The following EMC4 variants were observed in gnomAD, a reference collection of about 807,000 sequenced individuals.
EMC4 encodes the protein cell proliferation-inducing gene 17 protein.
In EMC4, 9 loss-of-function variants were observed where a neutral mutation model predicts 24.2. That is an observed-to-expected ratio of 0.37 (90% confidence interval 0.22 to 0.65). The LOEUF (loss-of-function observed/expected upper bound fraction) is 0.65, where lower values mean the gene tolerates loss of function less well. Among genes scored for constraint, EMC4 ranks in the 30% least tolerant of loss-of-function variants. The pLI, the probability that EMC4 is intolerant of heterozygous loss-of-function variation, is 0.59. For synonymous variants in EMC4, 86 were observed against 81.1 expected (o/e 1.06, Z -0.32); for missense variants, 169 against 234.6 (o/e 0.72, Z 1.83).
At chr15:34,226,987 A>G (rs1890665273) in intron 2 of EMC4, 2 of 152,196 alleles carry the variant, frequency 1.3e-5, no homozygotes, top group Admixed American at 1.3e-4. Context: ...ATATAAATCT[A>G]TTTTCCATTA....
chr15:34,228,371 T>G, intron 3 of EMC4, 58 bp from the exon 4 acceptor site: 2 of 1,570,778 alleles, frequency 1.3e-6, no homozygotes, highest in South Asian at 2.3e-5. Context: ...TACAGTTGGC[T>G]TGATTCGTAT....
In EMC4 at chr15:34,225,580, C is replaced by CA; in HGVS notation, c.132dup (p.Val45SerfsTer10). 1 of 1,614,136 alleles carries CA rather than the reference C, an allele frequency of 6.2e-7. No homozygotes were observed. The highest frequency in any genetic ancestry group is 8.5e-7 in the Non-Finnish European group (1 of 1,180,034). On this transcript the variant is annotated frameshift_variant, in exon 2 of 5. Coordinates refer to ENST00000267750, the MANE Select transcript of EMC4 (RefSeq NM_016454.4). LOFTEE classifies it high-confidence loss of function. The stretch of plus-strand genomic sequence containing the variant: ...AGTGGCCAGGGAGACTCGCTCTACC[C>CA]AGTCGGTTACTTGGACAAGCAAGTG...
chr15:34,227,668 G>C, intron 2 of EMC4, 25 bp from the exon 3 acceptor site: 2 of 1,610,060 alleles, frequency 1.2e-6, no homozygotes, highest in Non-Finnish European at 1.7e-6. Flanking sequence ...TGATCAGAGG[G>C]TTAAAATTGT....
intron 2 of EMC4, 148 bp downstream of exon 2, chr15:34,225,798 A>G (rs763012310): frequency 2.8e-6 from 2 of 709,852 alleles, no homozygotes; most frequent in South Asian, 1.5e-5. Flanking sequence ...GGTATTTTAT[A>G]TATCAGCTAC....
At chr15:34,226,760 T>G (rs1312386924) in intron 2 of EMC4, 1 of 152,176 alleles carries the variant, frequency 6.6e-6, no homozygotes, top group African/African-American at 2.4e-5. Flanking sequence ...GCCAGGCTGG[T>G]CTGAAACTCC....
chr15:34,225,017 C>A lies in EMC4; in HGVS notation c.-98C>A. 9.9e-7 allele frequency: 1 copy of A among 1,009,758 alleles called. No individual in the cohort carries two copies. Among genetic ancestry groups the A allele is most frequent in the Non-Finnish European group, 1.5e-6 (1 of 656,318 alleles). 62.5% of individuals were successfully genotyped at this position (1,009,758 alleles called of 1,614,324 possible). On this transcript the variant is annotated 5_prime_UTR_variant, in exon 1 of 5. Coordinates refer to ENST00000267750, the MANE Select transcript of EMC4 (RefSeq NM_016454.4). ...ACGTCGTATTCACGCGCCGGAAGTG[C>A]ATTTGCAGAGTGAGACAAAGCGGAG...
intron 2 of EMC4, 30 bp downstream of exon 2, chr15:34,225,680 A>T (rs1350448151): frequency 6.5e-7 from 1 of 1,539,022 alleles, no homozygotes; most frequent in African/African-American, 1.4e-5. Flanking sequence ...ACCGTAGCCC[A>T]TGGGCCAGTC....
chr15:34,228,686 C>A, intron 4 of EMC4, 97 bp downstream of exon 4: 87 of 299,828 alleles, frequency 2.9e-4, no homozygotes, highest in Middle Eastern at 1.0e-3. Context: ...ATTTGAGTTT[C>A]TTTTTTTTTT....
At chr15:34,228,248 G>A (rs1890703021) in intron 3 of EMC4, 181 bp from the exon 4 acceptor site, 4 of 617,708 alleles carry the variant, frequency 6.5e-6, no homozygotes, top group Non-Finnish European at 1.1e-5. Flanking sequence ...ATATAGGGGA[G>A]TGGGGTAATG....
chr15:34,226,387 G>T (rs1161148811), intron 2 of EMC4: 1 of 152,844 alleles, frequency 6.5e-6, no homozygotes, highest in African/African-American at 2.4e-5. Flanking sequence ...TCTTCATCAG[G>T]CTCACCAGTA....
At chr15:34,228,184 A>G (rs946609903) in intron 3 of EMC4, 1 of 505,468 alleles carries the variant, frequency 2.0e-6, no homozygotes, top group South Asian at 2.5e-5. Flanking sequence ...CTCCATCTCA[A>G]AAAAAAGGAA....
intron 2 of EMC4, chr15:34,226,882 T>C (rs749905096): frequency 6.6e-6 from 1 of 152,196 alleles, no homozygotes; most frequent in African/African-American, 2.4e-5. Flanking sequence ...CCGCAGTTAC[T>C]TTTGCAGCAA....
chr15:34,225,717 C>A, intron 2 of EMC4, 67 bp downstream of exon 2: 1 of 1,236,192 alleles, frequency 8.1e-7, no homozygotes, highest in Non-Finnish European at 1.2e-6. Context: ...TCCTCTTCTC[C>A]TAGGTGGAGT....
Position 34,225,525 on chromosome 15 carries a change from T to A in EMC4, c.87-11T>A. On this transcript the variant is annotated splice_polypyrimidine_tract_variant and intron_variant, in intron 1 of 4. Coordinates refer to ENST00000267750, the MANE Select transcript of EMC4 (RefSeq NM_016454.4). ...AGGTTGCAGCTTTAGTTTCTTGGTT[T>A]GGTTTTTTAGGGGTCGAAGTGACCG... is the stretch of plus-strand genomic sequence containing the variant. 6 of 1,607,516 alleles carry A rather than the reference T, an allele frequency of 3.7e-6. No homozygotes were observed. Among genetic ancestry groups the A allele is most frequent in the Non-Finnish European group, 4.3e-6 (5 of 1,174,132 alleles).
Position 34,225,184 on chromosome 15 carries a change from C to A in EMC4, c.70C>A (p.Pro24Thr). 1 of 1,550,766 alleles carries A rather than the reference C, an allele frequency of 6.4e-7. No homozygotes were observed. Among genetic ancestry groups the A allele is most frequent in the Admixed American group, 2.0e-5 (1 of 50,794 alleles). ...RFKWAIELSG[P>T]GGGSRGRSDR... ...CAAGTGGGCCATTGAGCTAAGCGGGCCTGGAGGAGGCAGCAGGTGAGGCAC... is the reference window on the plus strand; with the variant it reads ...CAAGTGGGCCATTGAGCTAAGCGGGACTGGAGGAGGCAGCAGGTGAGGCAC... The change falls in exon 1 of 5, where the codon CCT (proline) becomes ACT (threonine). Residue 24 changes from proline (P) to threonine (T), a missense_variant. Pro to Thr is a conservative substitution (Grantham distance 38). Transcript: ENST00000267750.
chr15:34,228,773 C>T lies in EMC4; in HGVS notation c.516+184C>T, dbSNP rs984468684. The stretch of plus-strand genomic sequence containing the variant: ...GTGGCATGATCTCGGCAACCTCCGC[C>T]TCCTGGGTTCAAGCAATTATTCTGC... On this transcript the variant is annotated intron_variant, in intron 4 of 4. Coordinates refer to ENST00000267750, the MANE Select transcript of EMC4 (RefSeq NM_016454.4). 6 of 448,120 alleles carry T rather than the reference C, an allele frequency of 1.3e-5. No individual in the cohort carries two copies. The Admixed American group carries it at 2.1e-4, about 16-fold the overall frequency. The allele number at this position is 448,120 out of a possible 1,614,324, so 27.8% of individuals were successfully genotyped here. A position where few individuals can be genotyped will look rare whatever the true frequency, so the allele number is the denominator to read the frequency against.
At chr15:34,227,332 T>C (rs1204415420) in intron 2 of EMC4, 1 of 166,876 alleles carries the variant, frequency 6.0e-6, no homozygotes, top group Non-Finnish European at 1.3e-5. Flanking sequence ...AGTTATTGAC[T>C]GAGGTGTGCT....
rs1429370658 is a variant in EMC4, at chr15:34,225,069, C to A, written c.-46C>A. 6.8e-7 allele frequency: 1 copy of A among 1,478,208 alleles called. No individual in the cohort carries two copies. The highest frequency in any genetic ancestry group is 9.3e-7 in the Non-Finnish European group (1 of 1,080,038). 91.6% of individuals were successfully genotyped at this position (1,478,208 alleles called of 1,614,324 possible). ...ACGCTGGTGGGCCTGTTGTGGAGTACGCTTTGGACTGAGAAGCATCGAGGC... is the reference window on the plus strand; with the variant it reads ...ACGCTGGTGGGCCTGTTGTGGAGTAAGCTTTGGACTGAGAAGCATCGAGGC... On this transcript the variant is annotated 5_prime_UTR_variant, in exon 1 of 5. Transcript: ENST00000267750.
chr15:34,227,761 A>G lies in EMC4; in HGVS notation c.270A>G (p.Ala90=). ...TGAATCTCTTCATCATGTACATGGC[A>G]GGCAATACTATCTCCATCTTCCCTA... ...IPMNLFIMYM[A]GNTISIFPTM... is the part of the protein sequence containing the mutation. The change falls in exon 3 of 5, where the codon GCA becomes GCG. Residue 90 remains alanine, a synonymous_variant. Transcript: ENST00000267750. 6.2e-7 allele frequency: 1 copy of G among 1,614,154 alleles called. No individual in the cohort carries two copies. Among genetic ancestry groups the G allele is most frequent in the African/African-American group, 1.3e-5 (1 of 75,054 alleles).
Sources: allele counts gnomAD v4.1 joint callset, GRCh38; gene constraint gnomAD v4.1.1; transcripts MANE v1.5; gene names NCBI Gene and HGNC (gene_info 2026-07-23, HGNC 2026-07-21).